CCSER1: variants seen among roughly 807,000 people sequenced by gnomAD.
CCSER1 encodes coiled-coil serine rich protein 1, also known as serine-rich coiled-coil domain-containing protein 1.
Under a neutral mutation model 82.0 loss-of-function variants are expected in CCSER1, and 41 were observed. That is an observed-to-expected ratio of 0.50 (90% CI 0.39 to 0.65). The LOEUF is 0.65. Among genes scored for constraint, CCSER1 ranks in the 30% least tolerant of loss-of-function variants. The pLI is 0.00. For missense variants in CCSER1, 1,119 were observed against 1,064.2 expected (o/e 1.05, Z -0.72); for synonymous variants, 414 against 383.9 (o/e 1.08, Z -0.92).
At chr4:90,673,313 G>C (rs1733164177) in intron 6 of CCSER1, among the ~76,000 whole-genome samples, 1 of 151,900 alleles carries the variant, frequency 6.6e-6, no homozygotes, top group Non-Finnish European at 1.5e-5. Flanking sequence ...ATTTGAGCTT[G>C]AAAATTATGT....
intron 5 of CCSER1, among the ~76,000 whole-genome samples, chr4:90,532,849 A>G (rs534712755): frequency 7.9e-5 from 12 of 152,004 alleles, no homozygotes; most frequent in Non-Finnish European, 1.5e-4. Context: ...TTCCTCCTCT[A>G]CTTCTCCCAA....
intron 9 of CCSER1, among the ~76,000 whole-genome samples, chr4:91,002,055 C>A (rs558145242): frequency 1.2e-4 from 19 of 152,074 alleles, no homozygotes; most frequent in Non-Finnish European, 2.5e-4. Flanking sequence ...GATAATTGTT[C>A]TGTTTAAAGA....
chr4:91,119,066 T>G (rs1392507887), intron 10 of CCSER1, among the ~76,000 whole-genome samples: 2 of 152,170 alleles, frequency 1.3e-5, no homozygotes, highest in African/African-American at 2.4e-5. Context: ...GCAGTTTTGA[T>G]ATTCATGTAT....
chr4:91,434,872 G>C (rs1027813657), intron 10 of CCSER1, among the ~76,000 whole-genome samples: 14 of 152,286 alleles, frequency 9.2e-5, no homozygotes, highest in African/African-American at 3.4e-4. Flanking sequence ...GTCCAATGAT[G>C]ATGACATCAG....
intron 9 of CCSER1, among the ~76,000 whole-genome samples, chr4:91,081,684 C>T (rs979424288): frequency 6.6e-6 from 1 of 152,196 alleles, no homozygotes; most frequent in African/African-American, 2.4e-5. Flanking sequence ...AGCCCAAAAT[C>T]TCCTTAAGCT....
chr4:90,620,012 C>T (rs1260292991), intron 5 of CCSER1, among the ~76,000 whole-genome samples: 1 of 151,970 alleles, frequency 6.6e-6, no homozygotes, highest in Non-Finnish European at 1.5e-5. Context: ...CCAGAACTTG[C>T]GGAGTTTGTA....
chr4:90,839,797 TA>T (rs1156301824), intron 8 of CCSER1, among the ~76,000 whole-genome samples: 3 of 152,262 alleles, frequency 2.0e-5, no homozygotes, highest in Admixed American at 2.0e-4. Context: ...TCTAAAAGGG[TA>T]GAAGTTCATA....
At chr4:91,214,236 C>T (rs1184265935) in intron 10 of CCSER1, among the ~76,000 whole-genome samples, 1 of 152,104 alleles carries the variant, frequency 6.6e-6, no homozygotes, top group African/African-American at 2.4e-5. Flanking sequence ...TAGTTATCTC[C>T]AGTTCGATAA....
intron 7 of CCSER1, among the ~76,000 whole-genome samples, chr4:90,727,537 A>G (rs1743880209): frequency 1.3e-5 from 2 of 152,058 alleles, no homozygotes; most frequent in Admixed American, 1.3e-4. Flanking sequence ...ATCACTTCCT[A>G]TCTCATCTGC....
chr4:90,247,774 T>C (rs979441774), intron 1 of CCSER1, among the ~76,000 whole-genome samples: 2 of 152,022 alleles, frequency 1.3e-5, no homozygotes, highest in East Asian at 1.9e-4. Flanking sequence ...TATTTTAATA[T>C]ATAGTCAGTT....
intron 9 of CCSER1, among the ~76,000 whole-genome samples, chr4:91,076,249 T>A (rs17018029): frequency 1.1e-4 from 2 of 18,552 alleles, no homozygotes; most frequent in Non-Finnish European, 2.0e-4. Flanking sequence ...GCCTAAATTA[T>A]ACCAAGCTTT....
rs144751102 is a variant in CCSER1, at chr4:90,145,005, A to G, written c.-42+17174A>G. ...TTATTTTCGTTTCAATAAGCAATCT[A>G]TTTTCTGGCTACCTATAGTTTAATT... On this transcript the variant is annotated intron_variant, in intron 1 of 10. Coordinates refer to ENST00000509176, the MANE Select transcript of CCSER1 (RefSeq NM_001145065.2). 1.7e-3 allele frequency among the ~76,000 whole-genome samples: 257 copies of G among 152,142 alleles called. 3 individuals carry two copies. The highest frequency in any genetic ancestry group is 5.5e-3 in the African/African-American group (230 of 41,550).
intron 6 of CCSER1, among the ~76,000 whole-genome samples, chr4:90,664,399 A>T (rs1027281937): frequency 6.6e-6 from 1 of 152,204 alleles, no homozygotes; most frequent in African/African-American, 2.4e-5. Context: ...CAAGGCACAA[A>T]TTCCTACTAT....
intron 5 of CCSER1, among the ~76,000 whole-genome samples, chr4:90,489,109 G>C (rs1441661135): frequency 6.6e-6 from 1 of 152,090 alleles, no homozygotes; most frequent in Admixed American, 6.6e-5. Flanking sequence ...CCAAATTCAT[G>C]ATTAAGTTTT....
chr4:90,935,649 T>C (rs1241170490), intron 9 of CCSER1, among the ~76,000 whole-genome samples: 1 of 152,186 alleles, frequency 6.6e-6, no homozygotes, highest in Non-Finnish European at 1.5e-5. Context: ...AATATTTAAA[T>C]GGCATTATAG....
At chr4:90,670,041 A>C (rs1408698414) in intron 6 of CCSER1, among the ~76,000 whole-genome samples, 1 of 152,152 alleles carries the variant, frequency 6.6e-6, no homozygotes, top group African/African-American at 2.4e-5. Flanking sequence ...CTATTCCACA[A>C]TTATGATCTC....
chr4:90,971,493 C>CCATAT (rs1735107244), intron 9 of CCSER1, among the ~76,000 whole-genome samples: 2 of 151,892 alleles, frequency 1.3e-5, no homozygotes, highest in Admixed American at 6.6e-5. Flanking sequence ...GAAAAGCAAA[C>CCATAT]CATATCAGAG....
At chr4:90,605,588 A>G (rs1403902160) in intron 5 of CCSER1, among the ~76,000 whole-genome samples, 1 of 152,234 alleles carries the variant, frequency 6.6e-6, no homozygotes, top group African/African-American at 2.4e-5. Context: ...AAAATTATCC[A>G]GTAGTACTCC....
At chr4:90,547,033 G>T (rs1307227680) in intron 5 of CCSER1, among the ~76,000 whole-genome samples, 1 of 151,880 alleles carries the variant, frequency 6.6e-6, no homozygotes, top group Non-Finnish European at 1.5e-5. Flanking sequence ...TAATAGATTT[G>T]CTGGAATAAT....
Sources: gnomAD v4.1 joint callset for allele counts (sites outside exome capture counted in the v4.1 genomes callset) on GRCh38, gnomAD v4.1.1 for gene constraint, MANE v1.5 for transcripts, NCBI Gene and HGNC (gene_info 2026-07-23, HGNC 2026-07-21) for gene names.